OTOF: variants seen among roughly 807,000 people sequenced by gnomAD.
The protein encoded by OTOF is otoferlin.
A neutral mutation model predicts 236.8 loss-of-function variants in OTOF; 218 were observed. The observed-to-expected ratio is 0.92, with a 90% CI of 0.82 to 1.03. OTOF has a LOEUF of 1.03. Ranked by LOEUF, OTOF falls within the 50% of genes least tolerant of loss-of-function variation. The pLI is 0.00. For synonymous variants in OTOF, 1,041 were observed against 1,072.5 expected, an observed-to-expected ratio of 0.97 and a Z score of 0.57; for missense variants, 2,590 against 2,694.4, an observed-to-expected ratio of 0.96 and a Z score of 0.86.
chr2:26,543,430 T>C (rs939313428), intron 1 of OTOF, among the ~76,000 whole-genome samples: 1 of 152,112 alleles, frequency 6.6e-6, no homozygotes, highest in Non-Finnish European at 1.5e-5. Context: ...CAAGAAACTG[T>C]TGTGGGAAAG....
At chr2:26,514,478 C>T (rs1336731195) in intron 5 of OTOF, among the ~76,000 whole-genome samples, 2 of 152,244 alleles carry the variant, frequency 1.3e-5, no homozygotes, top group Non-Finnish European at 2.9e-5. Context: ...CCCATCAGCA[C>T]CCTGGCCCAC....
Position 26,476,315 on chromosome 2 carries a change from C to A in OTOF, c.2679G>T (p.Leu893=), listed in dbSNP as rs776717915. 1.2e-5 allele frequency: 19 copies of A among 1,602,518 alleles called. No individual in the cohort carries two copies. The East Asian group carries it at 4.2e-4, about 36-fold the overall frequency. Residue 893 remains leucine, a splice_region_variant and synonymous_variant, in exon 23 of 47, where the codon CTG becomes CTT. Transcript: ENST00000272371. ...CAKVKTLFLK[L]PGKRGFGSAG... ...CCGAGCCGAAGCCCCGCTTCCCTGGCAGCTGGGGGTGGGCATGGGGTCACC... is the reference window on the plus strand; with the variant it reads ...CCGAGCCGAAGCCCCGCTTCCCTGGAAGCTGGGGGTGGGCATGGGGTCACC...
rs1264877874 is a variant in OTOF, at chr2:26,464,908, G to A, written c.4921C>T (p.Arg1641Cys). 6.3e-6 allele frequency: 10 copies of A among 1,597,430 alleles called. No individual in the cohort carries two copies. Among genetic ancestry groups the A allele is most frequent in the African/African-American group, 4.1e-5 (3 of 73,794 alleles). ...GPPGRVKVAN[R>C]VFTGPSEIED... ...ATCTCAGAGGGCCCAGTGAAGACGC[G>A]GTTGGCCACCTTCACTCTCCCAGGG... Residue 1641 changes from arginine to cysteine, a missense_variant, in exon 39 of 47, where the codon CGC becomes TGC. Transcript: ENST00000272371.
rs1666140277 is a variant in OTOF at position 26,502,441 on chromosome 2, A to C, written c.584-15T>G. ...CGCCGGTTCATCTGGGGAAGATGAA[A>C]GACTGGTTAGGTGGGCTGACTGATG... On this transcript the variant is annotated splice_polypyrimidine_tract_variant and intron_variant, in intron 6 of 46. Coordinates refer to ENST00000272371, the MANE Select transcript of OTOF (RefSeq NM_194248.3). 6.2e-7 allele frequency: 1 copy of C among 1,610,874 alleles called. No individual in the cohort carries two copies. Among genetic ancestry groups the C allele is most frequent in the African/African-American group, 1.3e-5 (1 of 75,022 alleles).
chr2:26,480,270 G>T lies in OTOF; in HGVS notation c.1845C>A (p.Ala615=). 1 of 1,612,750 alleles carries T rather than the reference G, an allele frequency of 6.2e-7. No individual in the cohort carries two copies. Among genetic ancestry groups the T allele is most frequent in the South Asian group, 1.1e-5 (1 of 91,082 alleles). ...GGTCGATCATTGAGGCCTCCAGGAA[G>T]GCTCCAAAGAGAAAGAATTCTTCCA... ...GKMEEFFLFG[A]FLEASMIDRR... is the part of the protein sequence containing the mutation. Residue 615 remains alanine, a synonymous_variant, in exon 16 of 47, where the codon GCC becomes GCA. Coordinates refer to ENST00000272371, the MANE Select transcript of OTOF (RefSeq NM_194248.3).
intron 2 of OTOF, 120 bp from the exon 3 acceptor site, chr2:26,528,040 G>A: frequency 2.7e-6 from 2 of 746,606 alleles, no homozygotes; most frequent in Non-Finnish European, 2.4e-6. Context: ...CTTGGGCCCA[G>A]TGCTCCCCAG....
At chr2:26,535,808 C>T (rs2148120803) in intron 2 of OTOF, among the ~76,000 whole-genome samples, 1 of 152,300 alleles carries the variant, frequency 6.6e-6, no homozygotes, top group East Asian at 1.9e-4. Flanking sequence ...CCAGCAGAGA[C>T]AGACTCTCCC....
In OTOF at chr2:26,460,185, A is replaced by T; in HGVS notation, c.5834T>A (p.Ile1945Asn). ...CGACTTGAGAGGGTTCAGGAACCAG[A>T]TGAAGCTCGTGTCGGGCCGGCTGGA... The part of the protein sequence containing the change: ...EKPNRPDTSF[I>N]WFLNPLKSAR... Residue 1945 changes from isoleucine (I) to asparagine (N), a missense_variant, in exon 46 of 47, where the codon ATC becomes AAC. By Grantham distance (149) the Ile-to-Asn change is moderately radical. Around this residue, in one of 2 missense-constraint regions of OTOF, gnomAD observed 1,211 missense variants for 1,352.8 expected, o/e 0.90. Transcript: ENST00000272371. The surrounding 1 kb of genome is among the most constrained non-coding windows in gnomAD (Gnocchi z 5.3). 3.7e-6 allele frequency: 6 copies of T among 1,605,064 alleles called. No homozygotes were observed. Among genetic ancestry groups the T allele is most frequent in the Non-Finnish European group, 5.1e-6 (6 of 1,176,366 alleles).
intron 5 of OTOF, among the ~76,000 whole-genome samples, chr2:26,514,208 C>T (rs978453342): frequency 1.3e-5 from 2 of 152,274 alleles, no homozygotes; most frequent in African/African-American, 4.8e-5. Flanking sequence ...CCAGTGGCAG[C>T]AGGGAAACTG....
chr2:26,468,601 A>G lies in OTOF; in HGVS notation c.4024-127T>C, dbSNP rs146193238. The G allele has an allele frequency of 2.2e-5, 17 of 781,716 alleles. No individual in the cohort carries two copies. The African/African-American group carries it at 2.5e-4, about 12-fold the overall frequency. 48.4% of individuals were successfully genotyped at this position (781,716 alleles called of 1,614,324 possible). ...AGAAAATCTTCCCTACTGCATTTCAAGTCCACCATGTGCTCTGCTTAAGTG... is the reference window on the plus strand; with the variant it reads ...AGAAAATCTTCCCTACTGCATTTCAGGTCCACCATGTGCTCTGCTTAAGTG... On this transcript the variant is annotated intron_variant, in intron 32 of 46. Coordinates refer to ENST00000272371, the MANE Select transcript of OTOF (RefSeq NM_194248.3).
At chr2:26,516,087 G>A (rs1033369630) in intron 5 of OTOF, among the ~76,000 whole-genome samples, 8 of 152,176 alleles carry the variant, frequency 5.3e-5, no homozygotes, top group Admixed American at 2.6e-4. Context: ...GAGGCCAGGG[G>A]CCCTCCTATC....
Position 26,479,482 on chromosome 2 carries a change from A to G in OTOF, c.2084T>C (p.Val695Ala). 4 of 1,601,706 alleles carry G rather than the reference A, an allele frequency of 2.5e-6. No homozygotes were observed. The highest frequency in any genetic ancestry group is 3.4e-6 in the Non-Finnish European group (4 of 1,175,142). The change falls in exon 17 of 47, where the codon GTC (valine) becomes GCC (alanine). Residue 695 changes from valine to alanine, a missense_variant. Physicochemically the swap from Val to Ala is moderately conservative, Grantham distance 64. Coordinates refer to ENST00000272371, the MANE Select transcript of OTOF (RefSeq NM_194248.3). ...VSSTPPMRPQ[V>A]TDRNYFHLPY... ...GGGAGGCTGGGCCCACCTGTCGGTG[A>G]CCTGGGGCCGCATTGGTGGAGTGGA... is the stretch of plus-strand genomic sequence containing the variant.
intron 3 of OTOF, among the ~76,000 whole-genome samples, chr2:26,519,511 A>G (rs1428200306): frequency 6.6e-6 from 1 of 152,150 alleles, no homozygotes; most frequent in African/African-American, 2.4e-5. Flanking sequence ...CCGCCTAACC[A>G]TGACCAAGGT....
intron 5 of OTOF, among the ~76,000 whole-genome samples, chr2:26,511,521 G>A (rs1666390019): frequency 6.6e-6 from 1 of 152,232 alleles, no homozygotes; most frequent in African/African-American, 2.4e-5. Flanking sequence ...TTCTGGCACA[G>A]GCCTTGCCCA....
intron 5 of OTOF, among the ~76,000 whole-genome samples, chr2:26,514,036 C>T (rs886100230): frequency 6.6e-5 from 10 of 152,232 alleles, no homozygotes; most frequent in African/African-American, 2.4e-4. Context: ...AGTTCTTGAA[C>T]CCGCTCCACC....
At chr2:26,464,147 G>A (rs1363694749) in intron 39 of OTOF, 41 bp from the exon 40 acceptor site, 1 of 1,610,540 alleles carries the variant, frequency 6.2e-7, no homozygotes, top group African/African-American at 1.3e-5. Flanking sequence ...TGGCTCAGCA[G>A]AACCAGAAGA....
At chr2:26,496,582 A>G (rs1287383970) in intron 8 of OTOF, among the ~76,000 whole-genome samples, 10 of 152,118 alleles carry the variant, frequency 6.6e-5, no homozygotes, top group Admixed American at 6.5e-4. Flanking sequence ...GGACAGAGAG[A>G]GAGACAGAGA....
Position 26,480,881 on chromosome 2 carries a change from G to T in OTOF, c.1708C>A (p.Leu570Met). ...GEGVSFRARLLLGLAVEIVDT... is the reference protein window; with the variant it reads ...GEGVSFRARLMLGLAVEIVDT... Reference sequence around the variant, plus strand: ...ACGATCTCCACAGCCAGGCCCAGCAGGAGCCGGGCCCGGAAGGACACACCC... The same window carrying T: ...ACGATCTCCACAGCCAGGCCCAGCATGAGCCGGGCCCGGAAGGACACACCC... Residue 570 changes from leucine to methionine, a missense_variant, in exon 15 of 47, where the codon CTG becomes ATG. Physicochemically the swap from Leu to Met is conservative, Grantham distance 15 (BLOSUM62 2). Coordinates refer to ENST00000272371, the MANE Select transcript of OTOF (RefSeq NM_194248.3). 1 of 1,612,954 alleles carries T rather than the reference G, an allele frequency of 6.2e-7. No homozygotes were observed. Among genetic ancestry groups the T allele is most frequent in the Non-Finnish European group, 8.5e-7 (1 of 1,179,934 alleles).
At chr2:26,516,267 C>T (rs769198723) in intron 5 of OTOF, 151 bp downstream of exon 5, 25 of 760,074 alleles carry the variant, frequency 3.3e-5, no homozygotes, top group Admixed American at 4.7e-5. Context: ...GCTACAGAAA[C>T]ATCTTCCCAC....
Sources: gnomAD v4.1 joint callset for allele counts (sites outside exome capture counted in the v4.1 genomes callset) on GRCh38, gnomAD v4.1.1 for gene constraint, gnomAD v4.1.1 regional missense constraint, Gnocchi (gnomAD v3.1) non-coding constraint, MANE v1.5 for transcripts, NCBI Gene and HGNC (gene_info 2026-07-23, HGNC 2026-07-21) for gene names.